GRIK2: variants seen among roughly 807,000 people sequenced by gnomAD.
The protein encoded by GRIK2 is glutamate receptor ionotropic, kainate 2.
Under a neutral mutation model 100.3 loss-of-function variants are expected in GRIK2, and 32 were observed. The observed-to-expected ratio is 0.32, with a 90% CI of 0.24 to 0.43. The LOEUF is 0.43. Ranked by LOEUF, GRIK2 falls within the 20% of genes least tolerant of loss-of-function variation. The pLI is 1.00. For missense variants in GRIK2, 843 were observed against 1,114.9 expected (o/e 0.76, Z 3.47); for synonymous variants, 417 against 389.4 (o/e 1.07, Z -0.83).
At chr6:101,752,910 A>G (rs996609202) in intron 7 of GRIK2, among the ~76,000 whole-genome samples, 2 of 152,228 alleles carry the variant, frequency 1.3e-5, no homozygotes, top group Non-Finnish European at 2.9e-5. Context: ...TGTTAGACGT[A>G]TGATACAAAC....
intron 1 of GRIK2, among the ~76,000 whole-genome samples, chr6:101,397,462 T>C (rs1455971123): frequency 6.6e-6 from 1 of 152,204 alleles, no homozygotes; most frequent in Non-Finnish European, 1.5e-5. Flanking sequence ...AGTCGAATTA[T>C]TTGATTGAAT....
chr6:101,604,147 G>A (rs1027308696), intron 2 of GRIK2, among the ~76,000 whole-genome samples: 1 of 151,514 alleles, frequency 6.6e-6, no homozygotes, highest in Non-Finnish European at 1.5e-5. Context: ...AGTAGAAAAG[G>A]TTAGTTACAA....
At chr6:102,013,187 T>A (rs976508308) in intron 14 of GRIK2, among the ~76,000 whole-genome samples, 3 of 152,182 alleles carry the variant, frequency 2.0e-5, no homozygotes, top group African/African-American at 7.2e-5. Flanking sequence ...TTTTATTCCT[T>A]TTGTGGCAGT....
At chr6:101,587,181 ACTG>A (rs1352439025) in intron 2 of GRIK2, among the ~76,000 whole-genome samples, 3 of 152,184 alleles carry the variant, frequency 2.0e-5, no homozygotes, top group South Asian at 2.1e-4. Context: ...ACAAAATAGA[ACTG>A]CTGGAAATGA....
intron 12 of GRIK2, among the ~76,000 whole-genome samples, chr6:101,894,320 A>G (rs1787295766): frequency 6.6e-6 from 1 of 151,650 alleles, no homozygotes; most frequent in African/African-American, 2.4e-5. Flanking sequence ...ATAGTTTTAT[A>G]TTTTATGATC....
At chr6:101,453,603 A>T (rs1282073046) in intron 2 of GRIK2, among the ~76,000 whole-genome samples, 1 of 152,022 alleles carries the variant, frequency 6.6e-6, no homozygotes, top group East Asian at 1.9e-4. Context: ...TAATAAGGAA[A>T]AGTTTCCACC....
chr6:101,897,648 G>A (rs750515639), intron 12 of GRIK2, among the ~76,000 whole-genome samples: 5 of 151,696 alleles, frequency 3.3e-5, no homozygotes, highest in African/African-American at 7.3e-5. Flanking sequence ...AAAGACAGGC[G>A]ACATCTTTTA....
intron 14 of GRIK2, among the ~76,000 whole-genome samples, chr6:102,020,911 T>G (rs1194991646): frequency 6.6e-6 from 1 of 151,806 alleles, no homozygotes; most frequent in Non-Finnish European, 1.5e-5. Context: ...CAAGCAAATT[T>G]AAAATAAAGT....
intron 12 of GRIK2, among the ~76,000 whole-genome samples, chr6:101,913,308 G>C (rs946133805): frequency 3.3e-5 from 5 of 151,568 alleles, no homozygotes; most frequent in African/African-American, 1.2e-4. Context: ...AAAAGCATTA[G>C]TATGATAATT....
chr6:101,618,131 A>G (rs1779985661), intron 2 of GRIK2, among the ~76,000 whole-genome samples: 1 of 151,430 alleles, frequency 6.6e-6, no homozygotes, highest in African/African-American at 2.4e-5. Flanking sequence ...ATCTTCTCTT[A>G]GCTTTTTTTT....
chr6:101,598,033 A>G (rs2128308757), intron 2 of GRIK2, among the ~76,000 whole-genome samples: 1 of 151,878 alleles, frequency 6.6e-6, no homozygotes, highest in South Asian at 2.1e-4. Flanking sequence ...CAAAGACATC[A>G]GTTATGACAG....
At chr6:101,504,161 C>G (rs1052983468) in intron 2 of GRIK2, among the ~76,000 whole-genome samples, 1 of 152,038 alleles carries the variant, frequency 6.6e-6, no homozygotes, top group Non-Finnish European at 1.5e-5. Context: ...TTGCACTGAT[C>G]CATGAAACAA....
chr6:102,026,803 T>G (rs937923051), intron 14 of GRIK2, among the ~76,000 whole-genome samples: 2 of 151,266 alleles, frequency 1.3e-5, no homozygotes, highest in Non-Finnish European at 3.0e-5. Context: ...GAGATAACAC[T>G]GCCAGAATTA....
chr6:101,426,015 C>T (rs893534148), intron 2 of GRIK2, among the ~76,000 whole-genome samples: 1 of 152,154 alleles, frequency 6.6e-6, no homozygotes, highest in South Asian at 2.1e-4. Context: ...AGCTTGGAGG[C>T]ATCTTTGATT....
intron 11 of GRIK2, among the ~76,000 whole-genome samples, chr6:101,882,852 A>G (rs1786350377): frequency 6.6e-6 from 1 of 152,104 alleles, no homozygotes; most frequent in Admixed American, 6.6e-5. Context: ...TTCTTAAACA[A>G]TACCTAGTGA....
intron 16 of GRIK2, among the ~76,000 whole-genome samples, chr6:102,062,824 C>T (rs1771822056): frequency 6.6e-6 from 1 of 150,418 alleles, no homozygotes; most frequent in Admixed American, 6.6e-5. Flanking sequence ...CATTAAATGA[C>T]ATTTATTTTT....
Position 101,859,376 on chromosome 6 carries a change from G to A in GRIK2, c.1407G>A (p.Glu469=). The part of the protein sequence containing the change: ...FEGYCIDLLR[E]LSTILGFTYE... ...GCTATTGCATTGATCTCCTCAGAGAGTTATCTACAATCCTTGGCTTTACAT... is the reference window on the plus strand; with the variant it reads ...GCTATTGCATTGATCTCCTCAGAGAATTATCTACAATCCTTGGCTTTACAT... The change falls in exon 11 of 17, where the codon GAG becomes GAA. Residue 469 remains glutamate, a synonymous_variant. Transcript: ENST00000369134. 6.2e-7 allele frequency: 1 copy of A among 1,602,024 alleles called. No homozygotes were observed. The highest frequency in any genetic ancestry group is 8.6e-7 in the Non-Finnish European group (1 of 1,169,180).
chr6:101,718,865 C>A (rs9373619), intron 7 of GRIK2, among the ~76,000 whole-genome samples: 1 of 151,880 alleles, frequency 6.6e-6, no homozygotes, highest in Non-Finnish European at 1.5e-5. Flanking sequence ...TCTTCATGCT[C>A]TGAATAGTCA....
At chr6:101,803,725 A>T (rs780507500) in intron 9 of GRIK2, among the ~76,000 whole-genome samples, 1 of 151,892 alleles carries the variant, frequency 6.6e-6, no homozygotes, top group Admixed American at 6.6e-5. Context: ...TGACATTTCA[A>T]TACATCTGCA....
Sources: gnomAD v4.1 joint callset for allele counts (sites outside exome capture counted in the v4.1 genomes callset) on GRCh38, gnomAD v4.1.1 for gene constraint, MANE v1.5 for transcripts, NCBI Gene and HGNC (gene_info 2026-07-23, HGNC 2026-07-21) for gene names.